Variants in ASIC2 observed in about 807,000 individuals in gnomAD.
ASIC2 encodes the protein acid-sensing ion channel 2.
A neutral mutation model predicts 57.3 loss-of-function variants in ASIC2; 25 were observed. That is an observed-to-expected ratio of 0.44 (90% confidence interval 0.32 to 0.61). The LOEUF (loss-of-function observed/expected upper bound fraction) is 0.61, where lower values mean the gene tolerates loss of function less well. Ranked by LOEUF, ASIC2 falls within the 20% of genes least tolerant of loss-of-function variation. ASIC2 has a pLI of 0.06. For missense variants in ASIC2, 641 were observed against 738.1 expected (o/e 0.87, Z 1.52); for synonymous variants, 319 against 307.5 (o/e 1.04, Z -0.39).
intron 1 of ASIC2, among the ~76,000 whole-genome samples, chr17:33,898,933 T>C (rs1180963990): frequency 2.0e-5 from 3 of 152,212 alleles, no homozygotes; most frequent in Non-Finnish European, 2.9e-5. Context: ...AGTCACATGT[T>C]ACTCTGATTA....
At chr17:33,156,627 G>T (rs1411166566) in intron 1 of ASIC2, among the ~76,000 whole-genome samples, 1 of 151,814 alleles carries the variant, frequency 6.6e-6, no homozygotes, top group Non-Finnish European at 1.5e-5. Context: ...GTGGTGGCAT[G>T]GGCCTGTAAT....
At chr17:33,488,433 C>A (rs921575757) in intron 1 of ASIC2, among the ~76,000 whole-genome samples, 1 of 152,172 alleles carries the variant, frequency 6.6e-6, no homozygotes, top group Non-Finnish European at 1.5e-5. Context: ...ATCAGGGTCA[C>A]CTCTATCAAA....
chr17:33,857,174 C>A (rs1012483264), intron 1 of ASIC2, among the ~76,000 whole-genome samples: 2 of 152,164 alleles, frequency 1.3e-5, no homozygotes, highest in Non-Finnish European at 2.9e-5. Flanking sequence ...GTTCCCCATG[C>A]CCTCGGCCCC....
At chr17:34,080,962 T>C (rs1909856330) in intron 1 of ASIC2, 1 of 152,104 alleles carries the variant, frequency 6.6e-6, no homozygotes. Context: ...ATTCCCAGAG[T>C]GAAGACTCCC....
intron 1 of ASIC2, among the ~76,000 whole-genome samples, chr17:33,401,103 G>A (rs577174084): frequency 6.6e-4 from 101 of 152,242 alleles, no homozygotes; most frequent in African/African-American, 2.4e-3. Context: ...GAGAACACAA[G>A]GGGAATCACA....
intron 9 of ASIC2, 53 bp downstream of exon 9, chr17:33,015,918 G>T: frequency 6.3e-7 from 1 of 1,596,142 alleles, no homozygotes; most frequent in East Asian, 2.2e-5. Flanking sequence ...GTTTTGTACT[G>T]CCGGTACAAG....
chr17:33,267,475 C>G (rs1909506362), intron 1 of ASIC2, among the ~76,000 whole-genome samples: 1 of 152,192 alleles, frequency 6.6e-6, no homozygotes, highest in African/African-American at 2.4e-5. Context: ...GCCACACACT[C>G]TCGAGGATCA....
chr17:34,013,256 T>C (rs903644040), intron 1 of ASIC2, among the ~76,000 whole-genome samples: 3 of 151,854 alleles, frequency 2.0e-5, no homozygotes, highest in Admixed American at 1.3e-4. Context: ...GTCCCTGGGG[T>C]TGGGTGGAGC....
In ASIC2 at chr17:33,210,721, G is replaced by T. The variant is rs2142087474; in HGVS notation, c.708+80687C>A. On this transcript the variant is annotated intron_variant, in intron 1 of 9. Transcript: ENST00000225823. ...GCTTGGCCCTGCCCTCCAAAGGAAA[G>T]CCTCACCCTTCATAACAAAGGGCAC... is the stretch of plus-strand genomic sequence containing the variant. Among the ~76,000 whole-genome samples, 4 of 152,314 alleles carry T rather than the reference G, an allele frequency of 2.6e-5. No individual in the cohort carries two copies. The Middle Eastern group carries it at 0.014, about 518-fold the overall frequency.
rs547194179 is a variant in ASIC2 at position 33,502,071 on chromosome 17, G to A, written c.556-390004C>T. On this transcript the variant is annotated intron_variant, in intron 1 of 9. Coordinates refer to the ASIC2 transcript ENST00000359872. ...AGGGTGGACCCTGACACCTGAAGGT[G>A]AAATCTAGTGAGTTCCAGGCTACTG... 7.2e-5 allele frequency among the ~76,000 whole-genome samples: 11 copies of A among 152,248 alleles called. No individual in the cohort carries two copies. The South Asian group carries it at 2.1e-3, about 29-fold the overall frequency.
At chr17:33,888,446 C>T (rs1597917726) in intron 1 of ASIC2, among the ~76,000 whole-genome samples, 1 of 152,154 alleles carries the variant, frequency 6.6e-6, no homozygotes, top group Admixed American at 6.5e-5. Flanking sequence ...TTCTCCACCT[C>T]CTAACCCTAA....
intron 1 of ASIC2, among the ~76,000 whole-genome samples, chr17:33,800,306 T>A (rs1912095277): frequency 1.3e-5 from 2 of 152,180 alleles, no homozygotes; most frequent in Admixed American, 1.3e-4. Context: ...GGGCATCAGA[T>A]CTTGCTCATA....
intron 1 of ASIC2, among the ~76,000 whole-genome samples, chr17:33,229,656 T>C (rs1163191223): frequency 6.6e-6 from 1 of 152,164 alleles, no homozygotes; most frequent in African/African-American, 2.4e-5. Context: ...ACGGTACAGC[T>C]CATTTCGGGA....
chr17:34,131,516 G>A (rs1911958836), intron 1 of ASIC2, among the ~76,000 whole-genome samples: 1 of 152,090 alleles, frequency 6.6e-6, no homozygotes, highest in Non-Finnish European at 1.5e-5. Context: ...GAGGCTCCAG[G>A]GCTGAGCTGT....
At chr17:33,288,132 C>A (rs1357730492) in intron 1 of ASIC2, among the ~76,000 whole-genome samples, 1 of 152,078 alleles carries the variant, frequency 6.6e-6, no homozygotes, top group Non-Finnish European at 1.5e-5. Flanking sequence ...GGGAGACAGG[C>A]ACAGTCTAAC....
rs1486873408 is a variant in ASIC2 at position 33,627,358 on chromosome 17, T to C, written c.556-515291A>G. 3 of 152,390 alleles carry C rather than the reference T, an allele frequency of 2.0e-5. No homozygotes were observed. The East Asian group carries it at 5.8e-4, about 29-fold the overall frequency. The allele number at this position is 152,390 out of a possible 1,614,324, so 9.4% of individuals were successfully genotyped here. A position where few individuals can be genotyped will look rare whatever the true frequency, so the allele number is the denominator to read the frequency against. On this transcript the variant is annotated intron_variant, in intron 1 of 9. Transcript: ENST00000359872. ...GTGTGAAGACAGAGTTTGGGTGCTT[T>C]ATTTATTCCTTTATCTTTGATGCCC...
intron 1 of ASIC2, among the ~76,000 whole-genome samples, chr17:34,046,330 A>C (rs1448650584): frequency 6.6e-6 from 1 of 152,264 alleles, no homozygotes; most frequent in African/African-American, 2.4e-5. Context: ...AAATGTTATA[A>C]GTGACAACCT....
At chr17:34,014,894 A>AT (rs71942466) in intron 1 of ASIC2, among the ~76,000 whole-genome samples, 98,483 of 146,704 alleles carry the variant, frequency 0.67, 33,737 homozygotes, top group African/African-American at 0.85. Flanking sequence ...ATATCGCTGC[A>AT]TTTTTTTTTT....
chr17:34,057,263 C>T lies in ASIC2; in HGVS notation c.555+98715G>A, dbSNP rs184755485. 1.3e-3 allele frequency among the ~76,000 whole-genome samples: 194 copies of T among 152,242 alleles called. 1 individual carries two copies. Among genetic ancestry groups the T allele is most frequent in the African/African-American group, 4.5e-3 (185 of 41,544 alleles). ...CCAAAGACAAGTGAGAGAAACTCTT[C>T]AGGAGGTAGAAAAGCTAAACTCAGT... On this transcript the variant is annotated intron_variant, in intron 1 of 9. Coordinates refer to the ASIC2 transcript ENST00000359872.
Sources: gnomAD v4.1 joint callset for allele counts (sites outside exome capture counted in the v4.1 genomes callset) on GRCh38, gnomAD v4.1.1 for gene constraint, MANE v1.5 for transcripts, NCBI Gene and HGNC (gene_info 2026-07-23, HGNC 2026-07-21) for gene names.